EPHA6: variants seen among roughly 807,000 people sequenced by gnomAD.
EPHA6 encodes ephrin type-A receptor 6.
EPHA6 carries 50 observed loss-of-function variants against 112.0 expected under a neutral mutation model. The ratio of observed to expected loss-of-function variants is 0.45; its 90% CI spans 0.36 to 0.56. The LOEUF is 0.56. Among genes scored for constraint, EPHA6 ranks in the 20% least tolerant of loss-of-function variants. The probability of loss-of-function intolerance (pLI) is 0.00; values close to 1 mark genes in which losing one functional copy is unlikely to be tolerated. For synonymous variants in EPHA6, 529 were observed against 490.7 expected (o/e 1.08, Z -1.03); for missense variants, 1,280 against 1,417.4 (o/e 0.90, Z 1.56).
At chr3:96,920,202 AT>A (rs1382905689) in intron 2 of EPHA6, among the ~76,000 whole-genome samples, 1 of 151,952 alleles carries the variant, frequency 6.6e-6, no homozygotes, top group Non-Finnish European at 1.5e-5. Context: ...GTGAACTTTC[AT>A]TTTTAGTGAC....
At chr3:96,898,766 A>C (rs2038424758) in intron 2 of EPHA6, among the ~76,000 whole-genome samples, 2 of 152,078 alleles carry the variant, frequency 1.3e-5, no homozygotes, top group Admixed American at 1.3e-4. Context: ...GCGGTGGCTC[A>C]CGGCTGTAAT....
chr3:97,405,870 G>A (rs2087309093), intron 6 of EPHA6, among the ~76,000 whole-genome samples: 2 of 151,686 alleles, frequency 1.3e-5, no homozygotes, highest in Admixed American at 1.3e-4. Context: ...TCATACATTA[G>A]TATATTTCCC....
chr3:97,731,754 G>T (rs981019781), intron 15 of EPHA6, among the ~76,000 whole-genome samples: 1 of 151,944 alleles, frequency 6.6e-6, no homozygotes, highest in Non-Finnish European at 1.5e-5. Context: ...AACTCTCAAA[G>T]GTATATATGT....
intron 17 of EPHA6, among the ~76,000 whole-genome samples, 196 bp from the exon 18 acceptor site, chr3:97,748,391 C>T (rs1433408554): frequency 2.0e-5 from 3 of 152,054 alleles, no homozygotes; most frequent in African/African-American, 7.2e-5. Flanking sequence ...TTTTGCTGCT[C>T]ATTTAAATCT....
At chr3:97,319,369 T>G (rs2081993285) in intron 5 of EPHA6, among the ~76,000 whole-genome samples, 1 of 151,674 alleles carries the variant, frequency 6.6e-6, no homozygotes, top group South Asian at 2.1e-4. Flanking sequence ...ACCTTACTTT[T>G]TAAAAGACCG....
intron 14 of EPHA6, chr3:97,646,105 CTT>C (rs767220949): frequency 1.2e-5 from 18 of 1,519,216 alleles, no homozygotes; most frequent in Middle Eastern, 1.7e-4. Flanking sequence ...ATTAAAATGA[CTT>C]TGCCAATTCA....
At chr3:97,441,382 A>G (rs918738446) in intron 6 of EPHA6, 2 of 784,088 alleles carry the variant, frequency 2.6e-6, no homozygotes, top group African/African-American at 1.9e-5. Context: ...TATAACATCC[A>G]TAATTCATTT....
intron 2 of EPHA6, among the ~76,000 whole-genome samples, chr3:96,882,146 G>A (rs1001481801): frequency 2.6e-5 from 4 of 152,138 alleles, no homozygotes; most frequent in African/African-American, 9.7e-5. Flanking sequence ...TGCCCCTGTA[G>A]GAACTCTGTG....
intron 3 of EPHA6, among the ~76,000 whole-genome samples, chr3:97,109,895 A>G (rs1003472306): frequency 6.6e-6 from 1 of 152,078 alleles, no homozygotes; most frequent in Non-Finnish European, 1.5e-5. Flanking sequence ...TAACCTAACA[A>G]TTTCCACCAA....
chr3:97,049,045 G>A (rs2045602693), intron 3 of EPHA6, among the ~76,000 whole-genome samples: 2 of 152,200 alleles, frequency 1.3e-5, no homozygotes, highest in Admixed American at 1.3e-4. Context: ...AAGAACAAAT[G>A]TCCTGAGACA....
At chr3:96,865,777 A>C (rs1205072379) in intron 1 of EPHA6, among the ~76,000 whole-genome samples, 1 of 151,828 alleles carries the variant, frequency 6.6e-6, no homozygotes, top group Non-Finnish European at 1.5e-5. Flanking sequence ...GTGGTACCAA[A>C]GCATTGTTTC....
rs1259986322 is a variant in EPHA6, at chr3:97,186,158, C to T, written c.1115-40106C>T. ...AGCACACCAGCATGGCACATGTTTA[C>T]GTATATAACTAACCTGCACGTTGTG... On this transcript the variant is annotated intron_variant, in intron 3 of 17. Coordinates refer to ENST00000389672, the MANE Select transcript of EPHA6 (RefSeq NM_001080448.3). 4.6e-5 allele frequency among the ~76,000 whole-genome samples: 7 copies of T among 151,900 alleles called. No individual in the cohort carries two copies. In the East Asian group the frequency reaches 5.8e-4, roughly 13 times the overall value.
chr3:97,219,393 A>T (rs890846350), intron 3 of EPHA6, among the ~76,000 whole-genome samples: 3 of 152,194 alleles, frequency 2.0e-5, no homozygotes, highest in African/African-American at 7.2e-5. Context: ...ATGTTAATCC[A>T]GGCATTTCCA....
chr3:97,409,776 C>T (rs1222487057), intron 6 of EPHA6, among the ~76,000 whole-genome samples: 2 of 152,002 alleles, frequency 1.3e-5, no homozygotes, highest in East Asian at 3.9e-4. Flanking sequence ...CTGTTAAAGT[C>T]TTTTTCTCAA....
intron 3 of EPHA6, among the ~76,000 whole-genome samples, chr3:97,148,494 A>T (rs1175667415): frequency 6.6e-6 from 1 of 152,078 alleles, no homozygotes; most frequent in Non-Finnish European, 1.5e-5. Flanking sequence ...CTTTTTCAAA[A>T]ATTTGAGGGA....
intron 11 of EPHA6, among the ~76,000 whole-genome samples, chr3:97,588,313 C>T (rs888374223): frequency 3.9e-5 from 6 of 152,140 alleles, no homozygotes; most frequent in African/African-American, 1.4e-4. Context: ...TCCTGCACCA[C>T]GTCAAACACA....
At chr3:97,620,190 G>T (rs1245425935) in intron 13 of EPHA6, among the ~76,000 whole-genome samples, 2 of 151,966 alleles carry the variant, frequency 1.3e-5, no homozygotes, top group Non-Finnish European at 2.9e-5. Context: ...TTCAATAAAG[G>T]GTACTGGTAT....
chr3:97,504,471 C>T (rs1302296448), intron 10 of EPHA6, among the ~76,000 whole-genome samples: 3 of 152,198 alleles, frequency 2.0e-5, no homozygotes, highest in Non-Finnish European at 4.4e-5. Context: ...TCCTAGTGTG[C>T]ATGTGGGCCC....
chr3:97,297,376 G>C (rs564183549), intron 5 of EPHA6, among the ~76,000 whole-genome samples: 1 of 152,244 alleles, frequency 6.6e-6, no homozygotes, highest in Admixed American at 6.5e-5. Context: ...TATGGAAAAG[G>C]CTAGTTCTGG....
Sources: gnomAD v4.1 joint callset for allele counts (sites outside exome capture counted in the v4.1 genomes callset) on GRCh38, gnomAD v4.1.1 for gene constraint, MANE v1.5 for transcripts, NCBI Gene and HGNC (gene_info 2026-07-23, HGNC 2026-07-21) for gene names.